The following LDB2 variants were observed in gnomAD, a reference collection of about 807,000 sequenced individuals.
LDB2 encodes LIM domain-binding protein 2.
LDB2 carries 12 observed loss-of-function variants against 44.3 expected under a neutral mutation model. The ratio of observed to expected loss-of-function variants is 0.27; its 90% CI spans 0.17 to 0.44. LDB2 has a LOEUF of 0.44. LDB2 is among the 20% of genes least tolerant of loss of function. The pLI, the probability that LDB2 is intolerant of heterozygous loss-of-function variation, is 1.00. For synonymous variants in LDB2, 164 were observed against 174.8 expected (o/e 0.94, Z 0.49); for missense variants, 344 against 473.5 (o/e 0.73, Z 2.54).
intron 5 of LDB2, among the ~76,000 whole-genome samples, chr4:16,517,544 T>TTTTG (rs1479330113): frequency 6.6e-6 from 1 of 152,120 alleles, no homozygotes; most frequent in African/African-American, 2.4e-5. Flanking sequence ...AGGCTTGCAC[T>TTTTG]TTTGTTTGGT....
chr4:16,856,821 C>T (rs993893594), intron 1 of LDB2, among the ~76,000 whole-genome samples: 3 of 152,098 alleles, frequency 2.0e-5, no homozygotes, highest in Non-Finnish European at 2.9e-5. Flanking sequence ...TTGAGTCCAG[C>T]GTGGTTAAGT....
At chr4:16,735,351 T>C (rs1761676400) in intron 2 of LDB2, among the ~76,000 whole-genome samples, 1 of 151,992 alleles carries the variant, frequency 6.6e-6, no homozygotes, top group African/African-American at 2.4e-5. Context: ...TTCTCCTCCC[T>C]TCTGCTTGTC....
chr4:16,658,349 T>A (rs1191763179), intron 2 of LDB2, among the ~76,000 whole-genome samples: 1 of 152,246 alleles, frequency 6.6e-6, no homozygotes, highest in Non-Finnish European at 1.5e-5. Flanking sequence ...GGTCTCTGCA[T>A]CCTTGAGGCC....
At chr4:16,545,123 C>T (rs937779520) in intron 5 of LDB2, among the ~76,000 whole-genome samples, 3 of 151,858 alleles carry the variant, frequency 2.0e-5, no homozygotes, top group Non-Finnish European at 4.4e-5. Flanking sequence ...TTCCTCCCTC[C>T]CTCCCGCTCC....
intron 2 of LDB2, among the ~76,000 whole-genome samples, chr4:16,596,277 C>T (rs1720889931): frequency 2.0e-5 from 3 of 151,834 alleles, no homozygotes; most frequent in Admixed American, 2.0e-4. Context: ...GCCAGTTACC[C>T]AGTCATGTTT....
At chr4:16,651,488 G>A (rs144041001) in intron 2 of LDB2, among the ~76,000 whole-genome samples, 1,762 of 152,210 alleles carry the variant, frequency 0.012, 19 homozygotes, top group Non-Finnish European at 0.019. Context: ...AATATCTGGA[G>A]AAGAGCTGTG....
At chr4:16,740,928 T>G (rs1252260999) in intron 2 of LDB2, among the ~76,000 whole-genome samples, 1 of 152,178 alleles carries the variant, frequency 6.6e-6, no homozygotes, top group Non-Finnish European at 1.5e-5. Flanking sequence ...AAAGCACAAC[T>G]CAGAAGTGTA....
chr4:16,634,716 C>T (rs1173907895), intron 2 of LDB2, among the ~76,000 whole-genome samples: 2 of 152,064 alleles, frequency 1.3e-5, no homozygotes, highest in Admixed American at 6.5e-5. Flanking sequence ...GTTCAACCAT[C>T]GTGGAAGACA....
chr4:16,820,620 G>A (rs921843257), intron 1 of LDB2, among the ~76,000 whole-genome samples: 2 of 152,310 alleles, frequency 1.3e-5, no homozygotes, highest in South Asian at 2.1e-4. Flanking sequence ...GGCTCCAGAG[G>A]AAATACGCCT....
chr4:16,573,516 A>C (rs1472425490), intron 5 of LDB2, among the ~76,000 whole-genome samples: 3 of 152,320 alleles, frequency 2.0e-5, no homozygotes, highest in Middle Eastern at 3.4e-3. Flanking sequence ...GTAGTCTTAA[A>C]GTTCTTATTC....
At chr4:16,875,107 A>T (rs1717959474) in intron 1 of LDB2, among the ~76,000 whole-genome samples, 1 of 152,176 alleles carries the variant, frequency 6.6e-6, no homozygotes, top group African/African-American at 2.4e-5. Flanking sequence ...ACAGCCAACA[A>T]GTATTCACTG....
intron 1 of LDB2, among the ~76,000 whole-genome samples, 193 bp downstream of exon 1, chr4:16,898,161 T>A (rs1441917206): frequency 6.6e-6 from 1 of 151,704 alleles, no homozygotes; most frequent in African/African-American, 2.4e-5. Context: ...GCAGAAACTG[T>A]CCTCTGCTAC....
chr4:16,856,593 G>T (rs1327439791), intron 1 of LDB2, among the ~76,000 whole-genome samples: 1 of 152,130 alleles, frequency 6.6e-6, no homozygotes, highest in Non-Finnish European at 1.5e-5. Flanking sequence ...AAATGGATGG[G>T]CATAGCTGTG....
At chr4:16,719,544 G>C (rs1165979790) in intron 2 of LDB2, among the ~76,000 whole-genome samples, 2 of 152,062 alleles carry the variant, frequency 1.3e-5, no homozygotes, top group African/African-American at 4.8e-5. Context: ...AGATGCTAAA[G>C]TGTCTTAGAA....
intron 2 of LDB2, among the ~76,000 whole-genome samples, chr4:16,756,373 G>C (rs1766649848): frequency 6.6e-6 from 1 of 152,108 alleles, no homozygotes; most frequent in South Asian, 2.1e-4. Flanking sequence ...AGGATCACTT[G>C]AACCCAGAAG....
At chr4:16,735,546 C>G (rs283022) in intron 2 of LDB2, among the ~76,000 whole-genome samples, 34,930 of 150,266 alleles carry the variant, frequency 0.23, 4,729 homozygotes, top group Non-Finnish European at 0.32. Flanking sequence ...AATGAATATT[C>G]ATTTCAATAA....
chr4:16,660,483 C>T (rs541895159), intron 2 of LDB2, among the ~76,000 whole-genome samples: 67 of 152,274 alleles, frequency 4.4e-4, no homozygotes, highest in African/African-American at 1.2e-3. Flanking sequence ...CAACCACCAC[C>T]GCCATCACCA....
intron 1 of LDB2, among the ~76,000 whole-genome samples, chr4:16,875,430 C>G (rs1718079129): frequency 6.6e-6 from 1 of 151,158 alleles, no homozygotes; most frequent in East Asian, 1.9e-4. Flanking sequence ...CAGAGTGAAG[C>G]CAAGGAATAC....
chr4:16,573,352 C>T (rs996809764), intron 5 of LDB2, among the ~76,000 whole-genome samples: 79 of 152,264 alleles, frequency 5.2e-4, no homozygotes, highest in African/African-American at 1.7e-3. Flanking sequence ...CGTGCTCCTC[C>T]AGCCTTAGAC....
Sources: allele counts gnomAD v4.1 joint callset (sites outside exome capture counted in the v4.1 genomes callset), GRCh38; gene constraint gnomAD v4.1.1; transcripts MANE v1.5; gene names NCBI Gene and HGNC (gene_info 2026-07-23, HGNC 2026-07-21).